Variants in AMPD3 observed in about 807,000 individuals in gnomAD.
The protein encoded by AMPD3 is adenosine monophosphate deaminase 3, also known as AMP deaminase 3.
A neutral mutation model predicts 82.3 loss-of-function variants in AMPD3; 57 were observed. The observed-to-expected ratio is 0.69, with a 90% confidence interval of 0.56 to 0.86. The LOEUF is 0.86. Ranked by LOEUF, AMPD3 falls within the 40% of genes least tolerant of loss-of-function variation. The pLI is 0.00. For synonymous variants in AMPD3, 381 were observed against 394.7 expected, an observed-to-expected ratio of 0.97 and a Z score of 0.41; for missense variants, 870 against 1,003.8, an observed-to-expected ratio of 0.87 and a Z score of 1.80.
chr11:10,493,787 A>C, intron 7 of AMPD3: 1 of 583,648 alleles, frequency 1.7e-6, no homozygotes, highest in African/African-American at 1.9e-5. Flanking sequence ...CCTGCCACTT[A>C]GGAGTTTTGT....
intron 8 of AMPD3, chr11:10,495,339 C>A: frequency 1.0e-6 from 1 of 985,474 alleles, no homozygotes; most frequent in Non-Finnish European, 1.2e-6. Flanking sequence ...TGTGGAGATG[C>A]TTCTGCTGTG....
intron 2 of AMPD3, among the ~76,000 whole-genome samples, chr11:10,473,892 T>C (rs994349258): frequency 1.3e-5 from 2 of 152,222 alleles, no homozygotes; most frequent in African/African-American, 4.8e-5. Flanking sequence ...TGCAAAACTC[T>C]GTGCTGGTTT....
Position 10,485,024 on chromosome 11 carries a change from T to C in AMPD3, c.794T>C (p.Ile265Thr). 1.2e-6 allele frequency: 2 copies of C among 1,613,556 alleles called. No individual in the cohort carries two copies. Among genetic ancestry groups the C allele is most frequent in the Non-Finnish European group, 1.7e-6 (2 of 1,179,944 alleles). Residue 265 changes from isoleucine (I) to threonine (T), a missense_variant, in exon 5 of 15, where the codon ATC becomes ACC. Ile to Thr is a moderately conservative substitution (Grantham distance 89, BLOSUM62 -1). Coordinates refer to ENST00000396553, the MANE Select transcript of AMPD3 (RefSeq NM_001025389.2). ...GACATGAGCCACATCCTGGCTCTCA[T>C]CACCGATGGCCCCACGTAAGCTAGC... Reference protein sequence around the residue: ...TVDMSHILALITDGPTKTYCH... With the variant: ...TVDMSHILALTTDGPTKTYCH...
chr11:10,504,243 T>C, intron 13 of AMPD3: 1 of 984,912 alleles, frequency 1.0e-6, no homozygotes, highest in Non-Finnish European at 1.2e-6. Flanking sequence ...GTGGCATGAC[T>C]AGAGGGCTTG....
In AMPD3 at chr11:10,474,103, A is replaced by G. The variant is rs562836310; in HGVS notation, c.222-4423A>G. 6.6e-5 allele frequency among the ~76,000 whole-genome samples: 10 copies of G among 152,232 alleles called. No individual in the cohort carries two copies. The South Asian group carries it at 2.1e-3, about 32-fold the overall frequency. ...TCTGGGGTCCCAAAATATCCAGGGCATCTCATTACACCAACCACACTGTAT... is the reference window on the plus strand; with the variant it reads ...TCTGGGGTCCCAAAATATCCAGGGCGTCTCATTACACCAACCACACTGTAT... On this transcript the variant is annotated intron_variant, in intron 2 of 14. Transcript: ENST00000396553.
intron 6 of AMPD3, among the ~76,000 whole-genome samples, chr11:10,488,009 T>G (rs1288299679): frequency 6.7e-6 from 1 of 150,020 alleles, no homozygotes; most frequent in African/African-American, 2.5e-5. Context: ...TTAAATTCCC[T>G]GAAAAAAAAA....
At chr11:10,482,246 G>A (rs1228835754) in intron 4 of AMPD3, 21 bp downstream of exon 4, 2 of 1,610,260 alleles carry the variant, frequency 1.2e-6, no homozygotes, top group Non-Finnish European at 1.7e-6. Flanking sequence ...CTGGCTGGAG[G>A]TTGGGTCCCA....
At chr11:10,504,478 CT>C in intron 13 of AMPD3, 70 bp from the exon 14 acceptor site, 1 of 1,466,404 alleles carries the variant, frequency 6.8e-7, no homozygotes, top group East Asian at 2.3e-5. Context: ...ATGTTGTTAG[CT>C]TTGGACATGT....
intron 6 of AMPD3, 119 bp downstream of exon 6, chr11:10,487,483 C>T (rs924032965): frequency 9.6e-6 from 14 of 1,461,490 alleles, no homozygotes; most frequent in Admixed American, 3.4e-5. Flanking sequence ...TTGCTAAGGG[C>T]GGCCTTCGTG....
intron 6 of AMPD3, among the ~76,000 whole-genome samples, chr11:10,490,159 T>C (rs1849200883): frequency 6.6e-6 from 1 of 152,156 alleles, no homozygotes; most frequent in Non-Finnish European, 1.5e-5. Flanking sequence ...GTGGTATCTG[T>C]GAAGGCACCT....
chr11:10,470,612 CAA>C (rs1848560785), intron 2 of AMPD3, among the ~76,000 whole-genome samples: 1 of 152,218 alleles, frequency 6.6e-6, no homozygotes, highest in Non-Finnish European at 1.5e-5. Flanking sequence ...GCAACTTCAG[CAA>C]AGTCTCAGGA....
chr11:10,450,452 T>A, upstream of AMPD3: 3 of 985,500 alleles, frequency 3.0e-6, no homozygotes, highest in Non-Finnish European at 3.6e-6. Context: ...AAGTCACCTG[T>A]GCGGGGCCGA....
At position 10,505,977 on chromosome 11, in the gene AMPD3, TG is replaced by T; in HGVS notation, c.*94del. On this transcript the variant is annotated 3_prime_UTR_variant, in exon 15 of 15. Coordinates refer to ENST00000396553, the MANE Select transcript of AMPD3 (RefSeq NM_001025389.2). ...AAGATTCCGAACTAGGACTTTCCTC[TG>T]TGAAGAGGATGCCTCTGAAGAAATT... 4.8e-6 allele frequency: 7 copies of T among 1,472,376 alleles called. No individual in the cohort carries two copies. Among genetic ancestry groups the T allele is most frequent in the Non-Finnish European group, 6.6e-6 (7 of 1,060,562 alleles). The allele number at this position is 1,472,376 out of a possible 1,614,324, so 91.2% of individuals were successfully genotyped here. A position where few individuals can be genotyped will look rare whatever the true frequency, so the allele number is the denominator to read the frequency against.
upstream of AMPD3, among the ~76,000 whole-genome samples, chr11:10,454,123 G>A (rs1288286920): frequency 6.6e-6 from 1 of 152,198 alleles, no homozygotes; most frequent in African/African-American, 2.4e-5. Context: ...GCAGCAACAA[G>A]TTAGGCTCAA....
At chr11:10,458,016 G>T (rs1301224489) in intron 1 of AMPD3, among the ~76,000 whole-genome samples, 2 of 152,136 alleles carry the variant, frequency 1.3e-5, no homozygotes, top group African/African-American at 2.4e-5. Flanking sequence ...CTGGTTGGGG[G>T]TGTCTGGGTC....
chr11:10,487,229 T>G lies in AMPD3; in HGVS notation c.810-6T>G. The G allele has an allele frequency of 1.2e-6, 2 of 1,614,046 alleles. No individual in the cohort carries two copies. Among genetic ancestry groups the G allele is most frequent in the Non-Finnish European group, 1.7e-6 (2 of 1,179,972 alleles). Reference sequence around the variant, plus strand: ...ACTATGGTCTCTCCCCATCTCCAACTTGCAGGAAAACCTATTGTCACCGGC... The same window carrying G: ...ACTATGGTCTCTCCCCATCTCCAACGTGCAGGAAAACCTATTGTCACCGGC... On this transcript the variant is annotated splice_polypyrimidine_tract_variant and splice_region_variant and intron_variant, in intron 5 of 14. Transcript: ENST00000396553.
upstream of AMPD3, among the ~76,000 whole-genome samples, chr11:10,453,920 G>A (rs7950039): frequency 0.6 from 90,880 of 152,026 alleles, 27,431 homozygotes; most frequent in East Asian, 0.76. Flanking sequence ...ATTTGATTCC[G>A]TCCTCTCCTG....
chr11:10,503,475 G>A (rs1480842739), intron 13 of AMPD3, among the ~76,000 whole-genome samples: 1 of 152,154 alleles, frequency 6.6e-6, no homozygotes, highest in Non-Finnish European at 1.5e-5. Flanking sequence ...AGAAGCACCA[G>A]AGTCTTTTAG....
At chr11:10,503,947 G>T in intron 13 of AMPD3, 1 of 985,416 alleles carries the variant, frequency 1.0e-6, no homozygotes, top group Non-Finnish European at 1.2e-6. Context: ...GTGGGGTGGG[G>T]AAGAGGTCAC....
Sources: allele counts gnomAD v4.1 joint callset (sites outside exome capture counted in the v4.1 genomes callset), GRCh38; gene constraint gnomAD v4.1.1; transcripts MANE v1.5; gene names NCBI Gene and HGNC (gene_info 2026-07-23, HGNC 2026-07-21).